Variants in OXR1 observed in about 807,000 individuals in gnomAD.
OXR1 encodes the protein oxidation resistance protein 1.
In OXR1, 41 loss-of-function variants were observed where a neutral mutation model predicts 104.6. The observed-to-expected ratio is 0.39, with a 90% CI of 0.31 to 0.51. The LOEUF is 0.51. Ranked by LOEUF, OXR1 falls within the 20% of genes least tolerant of loss-of-function variation. The pLI, the probability that OXR1 is intolerant of heterozygous loss-of-function variation, is 0.77. For missense variants in OXR1, 955 were observed against 1,031.9 expected (o/e 0.93, Z 1.02); for synonymous variants, 348 against 348.4 (o/e 1.00, Z 0.01).
intron 2 of OXR1, among the ~76,000 whole-genome samples, chr8:106,366,885 A>G (rs1026265152): frequency 2.6e-5 from 4 of 152,160 alleles, no homozygotes; most frequent in Non-Finnish European, 2.9e-5. Context: ...GAGAAAAAAA[A>G]AAGAATAGAT....
At chr8:106,629,263 T>A (rs1822462970) in intron 3 of OXR1, among the ~76,000 whole-genome samples, 1 of 152,166 alleles carries the variant, frequency 6.6e-6, no homozygotes, top group African/African-American at 2.4e-5. Flanking sequence ...TCATGGTCCT[T>A]TTTAACAATA....
At chr8:106,500,677 C>T (rs552861420) in intron 2 of OXR1, among the ~76,000 whole-genome samples, 43 of 152,314 alleles carry the variant, frequency 2.8e-4, no homozygotes, top group African/African-American at 9.9e-4. Flanking sequence ...TGAAGCGTTA[C>T]ATCCAAGATG....
At chr8:106,392,847 A>G (rs1241354164) in intron 2 of OXR1, among the ~76,000 whole-genome samples, 1 of 152,202 alleles carries the variant, frequency 6.6e-6, no homozygotes, top group Non-Finnish European at 1.5e-5. Context: ...TCATCACCCA[A>G]TAGATGTACC....
intron 3 of OXR1, among the ~76,000 whole-genome samples, chr8:106,589,108 G>T (rs1006412988): frequency 6.6e-6 from 1 of 152,196 alleles, no homozygotes; most frequent in Non-Finnish European, 1.5e-5. Flanking sequence ...TTTAAAGGGG[G>T]ACTTGGTGTG....
intron 3 of OXR1, chr8:106,618,331 C>A: frequency 4.2e-6 from 3 of 716,316 alleles, no homozygotes; most frequent in Non-Finnish European, 7.3e-6. Context: ...GGTTCTATAG[C>A]TACTGCCTCC....
At chr8:106,639,691 A>T (rs1380309867) in intron 3 of OXR1, among the ~76,000 whole-genome samples, 1 of 152,186 alleles carries the variant, frequency 6.6e-6, no homozygotes, top group Non-Finnish European at 1.5e-5. Flanking sequence ...TTGGGTAAGG[A>T]TCATGATATG....
intron 2 of OXR1, among the ~76,000 whole-genome samples, chr8:106,391,718 ATC>A (rs1469618999): frequency 6.6e-6 from 1 of 152,042 alleles, no homozygotes; most frequent in Admixed American, 6.6e-5. Flanking sequence ...CAGATTTAAA[ATC>A]TCTTTTTGTT....
At position 106,726,049 on chromosome 8, in the gene OXR1, C is replaced by G. The variant is rs932000047; in HGVS notation, c.1957-11471C>G. On this transcript the variant is annotated intron_variant, in intron 11 of 16. Transcript: ENST00000517566. ...TCCCTCCCCAGCTTTACAGCCTCCA[C>G]TCAGGACTATCATTGCTATGGATAC... 10 of 760,836 alleles carry G rather than the reference C, an allele frequency of 1.3e-5. No homozygotes were observed. In the Admixed American group the frequency reaches 3.7e-4, roughly 28 times the overall value. 47.1% of individuals were successfully genotyped at this position (760,836 alleles called of 1,614,324 possible).
intron 2 of OXR1, among the ~76,000 whole-genome samples, chr8:106,384,999 G>T (rs540662683): frequency 2.0e-3 from 310 of 152,252 alleles, no homozygotes; most frequent in Non-Finnish European, 3.0e-3. Context: ...ACAGGCATGA[G>T]CCACTGCTCC....
chr8:106,648,091 G>A (rs1202870182), intron 3 of OXR1, among the ~76,000 whole-genome samples: 1 of 152,140 alleles, frequency 6.6e-6, no homozygotes, highest in African/African-American at 2.4e-5. Flanking sequence ...AAAATGTAAT[G>A]AACACAATGT....
chr8:106,662,532 T>C (rs1825863370), intron 3 of OXR1, among the ~76,000 whole-genome samples: 2 of 152,148 alleles, frequency 1.3e-5, no homozygotes, highest in African/African-American at 4.8e-5. Context: ...CATGGAATAA[T>C]AATTATAATA....
intron 3 of OXR1, among the ~76,000 whole-genome samples, chr8:106,644,900 A>T (rs760580658): frequency 6.6e-6 from 1 of 152,200 alleles, no homozygotes; most frequent in African/African-American, 2.4e-5. Context: ...CTCTGCGTAT[A>T]GTTGGAGAAT....
In OXR1 at chr8:106,751,444, A is replaced by C. The variant is rs575947891; in HGVS notation, c.*503A>C. ...AAAAAATCACTTGCCAAAATAATAC[A>C]TACTTCATAGACCACTGAGTTCTAG... is the stretch of plus-strand genomic sequence containing the variant. On this transcript the variant is annotated 3_prime_UTR_variant, in exon 17 of 17. Coordinates refer to ENST00000517566, the MANE Select transcript of OXR1 (RefSeq NM_001198533.2). 6.5e-6 allele frequency: 1 copy of C among 152,700 alleles called. No homozygotes were observed. Among genetic ancestry groups the C allele is most frequent in the Non-Finnish European group, 1.5e-5 (1 of 68,088 alleles). 9.5% of individuals were successfully genotyped at this position (152,700 alleles called of 1,614,324 possible). A position where few individuals can be genotyped will look rare whatever the true frequency, so the allele number is the denominator to read the frequency against.
At chr8:106,363,319 A>G (rs1426868520) in intron 2 of OXR1, among the ~76,000 whole-genome samples, 1 of 152,222 alleles carries the variant, frequency 6.6e-6, no homozygotes, top group Non-Finnish European at 1.5e-5. Context: ...GTACGTGCAG[A>G]ATGTGTTTGA....
At chr8:106,644,356 A>C (rs1044617217) in intron 3 of OXR1, among the ~76,000 whole-genome samples, 8 of 152,266 alleles carry the variant, frequency 5.3e-5, no homozygotes, top group African/African-American at 1.9e-4. Context: ...TATATCATTA[A>C]AAATGTAACT....
At chr8:106,629,465 A>G (rs776252749) in intron 3 of OXR1, among the ~76,000 whole-genome samples, 5 of 152,208 alleles carry the variant, frequency 3.3e-5, no homozygotes, top group Non-Finnish European at 5.9e-5. Flanking sequence ...CTAGTCATCT[A>G]GCTACTGCCA....
chr8:106,417,162 A>G (rs1818714380), intron 2 of OXR1, among the ~76,000 whole-genome samples: 1 of 152,122 alleles, frequency 6.6e-6, no homozygotes, highest in Non-Finnish European at 1.5e-5. Context: ...CAGCTGTGTG[A>G]TCTCATCTGA....
intron 2 of OXR1, among the ~76,000 whole-genome samples, chr8:106,511,545 ACT>A (rs75503808): frequency 3.9e-5 from 5 of 128,110 alleles, no homozygotes; most frequent in South Asian, 5.1e-4. Flanking sequence ...ATACACACAC[ACT>A]CTCTCTCATA....
chr8:106,302,259 T>C (rs973146740), intron 1 of OXR1, among the ~76,000 whole-genome samples: 2 of 152,148 alleles, frequency 1.3e-5, no homozygotes, highest in Non-Finnish European at 2.9e-5. Flanking sequence ...ATAAGTTTCA[T>C]AGTCAATGGT....
Sources: allele counts gnomAD v4.1 joint callset (sites outside exome capture counted in the v4.1 genomes callset), GRCh38; gene constraint gnomAD v4.1.1; transcripts MANE v1.5; gene names NCBI Gene and HGNC (gene_info 2026-07-23, HGNC 2026-07-21).